MTMR3: variants seen among roughly 807,000 people sequenced by gnomAD.
MTMR3 encodes the protein phosphatidylinositol-3,5-bisphosphate 3-phosphatase MTMR3.
In MTMR3, 32 loss-of-function variants were observed where a neutral mutation model predicts 132.4. That is an observed-to-expected ratio of 0.24 (90% CI 0.18 to 0.32). MTMR3 has a LOEUF of 0.32. MTMR3 is among the 10% of genes least tolerant of loss of function. The pLI, the probability that MTMR3 is intolerant of heterozygous loss-of-function variation, is 1.00. For missense variants in MTMR3, 1,216 were observed against 1,489.6 expected (o/e 0.82, Z 3.02); for synonymous variants, 556 against 550.3 (o/e 1.01, Z -0.14).
chr22:30,016,891 A>G (rs1175555727), intron 15 of MTMR3, 193 bp downstream of exon 15: 5 of 636,306 alleles, frequency 7.9e-6, no homozygotes, highest in Non-Finnish European at 1.3e-5. Context: ...TCTGTTTCTG[A>G]TGACTACTTG....
intron 1 of MTMR3, among the ~76,000 whole-genome samples, chr22:29,885,338 A>C (rs1383732524): frequency 1.3e-5 from 2 of 152,182 alleles, no homozygotes; most frequent in East Asian, 1.9e-4. Flanking sequence ...GATCTTTAAG[A>C]ATTTAAGAGG....
Position 29,896,869 on chromosome 22 carries a change from T to TCTCACACACACACACA in MTMR3, c.-138+13511_-138+13512insTCACACACACACACAC, listed in dbSNP as rs145703649. 2.2e-3 allele frequency among the ~76,000 whole-genome samples: 304 copies of TCTCACACACACACACA among 138,220 alleles called. 1 individual carries two copies. The highest frequency in any genetic ancestry group is 8.4e-3 in the East Asian group (39 of 4,656). 90.7% of individuals were successfully genotyped at this position (138,220 alleles called of 152,430 possible). ...TATAGTACAGAATAACAGGCTTGTC[T>TCTCACACACACACACA]CACACACACACACACACACACACAC... is the stretch of plus-strand genomic sequence containing the variant. On this transcript the variant is annotated intron_variant, in intron 1 of 19. Coordinates refer to ENST00000401950, the MANE Select transcript of MTMR3 (RefSeq NM_021090.4).
At chr22:29,948,654 A>C (rs950972812) in intron 1 of MTMR3, among the ~76,000 whole-genome samples, 6 of 152,202 alleles carry the variant, frequency 3.9e-5, no homozygotes, top group East Asian at 1.9e-4. Flanking sequence ...GGAGAGGGAT[A>C]ATATAAAAAG....
chr22:29,896,171 A>G (rs543419848), intron 1 of MTMR3, among the ~76,000 whole-genome samples: 1 of 152,260 alleles, frequency 6.6e-6, no homozygotes, highest in Non-Finnish European at 1.5e-5. Context: ...TTAGTTGGGC[A>G]TGGTGGCGGG....
chr22:29,967,857 A>G (rs1043095272), intron 2 of MTMR3, among the ~76,000 whole-genome samples: 13 of 151,004 alleles, frequency 8.6e-5, no homozygotes, highest in Admixed American at 6.0e-4. Flanking sequence ...GTTTTCATCT[A>G]TGTGTGTCAT....
intron 18 of MTMR3, 45 bp downstream of exon 18, chr22:30,022,184 T>C (rs115657221): frequency 2.0e-6 from 3 of 1,491,812 alleles, no homozygotes; most frequent in Admixed American, 3.4e-5. Context: ...TTTAACTGTT[T>C]TGTGGTTCTT....
At chr22:29,943,026 A>G (rs1219799471) in intron 1 of MTMR3, among the ~76,000 whole-genome samples, 1 of 152,180 alleles carries the variant, frequency 6.6e-6, no homozygotes, top group Non-Finnish European at 1.5e-5. Context: ...TTCATAATTT[A>G]TGTTCAGAGA....
chr22:29,958,705 A>C (rs1447311162), intron 2 of MTMR3, among the ~76,000 whole-genome samples: 1 of 152,142 alleles, frequency 6.6e-6, no homozygotes, highest in Non-Finnish European at 1.5e-5. Flanking sequence ...GTATCTCTTA[A>C]CATACTCTTG....
intron 5 of MTMR3, chr22:29,984,525 G>A (rs2066819045): frequency 1.3e-5 from 2 of 152,166 alleles, no homozygotes; most frequent in African/African-American, 4.8e-5. Flanking sequence ...AATGTAACTT[G>A]GCTTTTTGAG....
rs1387996572 is a variant in MTMR3 at position 29,998,665 on chromosome 22, TATATGTAAC to T, written c.461-88_461-80del. On this transcript the variant is annotated intron_variant, in intron 7 of 19. Transcript: ENST00000401950. ...CTCAAAAAATATATATATATTTACA[TATATGTAAC>T]ATATGTATATTTCTTTGTTTTTATT... 6.4e-6 allele frequency: 4 copies of T among 626,538 alleles called. No homozygotes were observed. In the Admixed American group the frequency reaches 1.0e-4, roughly 16 times the overall value. The allele number at this position is 626,538 out of a possible 1,614,324, so 38.8% of individuals were successfully genotyped here. A position where few individuals can be genotyped will look rare whatever the true frequency, so the allele number is the denominator to read the frequency against.
chr22:29,931,484 T>C (rs1414440351), intron 1 of MTMR3, among the ~76,000 whole-genome samples: 1 of 152,194 alleles, frequency 6.6e-6, no homozygotes, highest in Non-Finnish European at 1.5e-5. Context: ...TGCAATGGCA[T>C]GATCACTGCA....
chr22:29,949,509 CAA>C (rs60108937), intron 1 of MTMR3, among the ~76,000 whole-genome samples: 11 of 124,588 alleles, frequency 8.8e-5, no homozygotes, highest in African/African-American at 2.5e-4. Context: ...CGCCCCCCCC[CAA>C]AAAAAAAAAA....
Position 30,022,657 on chromosome 22 carries a change from G to T in MTMR3, c.3385G>T (p.Asp1129Tyr). ...CCTGGCCGCCCACTGCTATGCGTGC[G>T]ACAGTGCCTTCTGGCTTGCCAGCAG... ...DHLAAHCYAC[D>Y]SAFWLASRKH... The change falls in exon 19 of 20, where the codon GAC (aspartate) becomes TAC (tyrosine). Residue 1129 changes from aspartate (D) to tyrosine (Y), a missense_variant. This residue lies in a region of MTMR3 where 852 missense variants were observed against 852.0 expected (regional missense o/e 1.00). Coordinates refer to ENST00000401950, the MANE Select transcript of MTMR3 (RefSeq NM_021090.4). The T allele has an allele frequency of 6.2e-7, 1 of 1,611,958 alleles. No homozygotes were observed.
At chr22:29,911,251 T>A (rs912532108) in intron 1 of MTMR3, among the ~76,000 whole-genome samples, 9 of 152,092 alleles carry the variant, frequency 5.9e-5, no homozygotes, top group African/African-American at 2.2e-4. Context: ...GCCATTAAAT[T>A]CTGATTTTTG....
chr22:29,906,286 G>GTCTATCTATCTATCTA (rs369642536), intron 1 of MTMR3, among the ~76,000 whole-genome samples: 3 of 74,456 alleles, frequency 4.0e-5, no homozygotes, highest in Non-Finnish European at 6.1e-5. Context: ...CTGTCTGTCT[G>GTCTATCTATCTATCTA]TCTATCTATC....
chr22:29,971,096 C>T, intron 3 of MTMR3, 34 bp downstream of exon 3: 1 of 1,541,398 alleles, frequency 6.5e-7, no homozygotes, highest in Non-Finnish European at 8.8e-7. Context: ...AAAAAAAAAA[C>T]AAAAAACCCT....
At chr22:29,971,952 A>G (rs183062471) in intron 3 of MTMR3, among the ~76,000 whole-genome samples, 4 of 152,366 alleles carry the variant, frequency 2.6e-5, no homozygotes, top group Admixed American at 6.5e-5. Context: ...ATTAATTTCA[A>G]GCTTCATTAG....
intron 17 of MTMR3, chr22:30,021,453 G>C (rs1475981389): frequency 6.7e-6 from 1 of 148,712 alleles, no homozygotes. Flanking sequence ...GGGTTCCAGA[G>C]GGGGAGGTTC....
intron 1 of MTMR3, among the ~76,000 whole-genome samples, chr22:29,926,477 T>C (rs1259120038): frequency 1.3e-5 from 2 of 152,216 alleles, no homozygotes; most frequent in East Asian, 1.9e-4. Context: ...TTTCCCACAG[T>C]GGAGCTATAC....
Sources: gnomAD v4.1 joint callset for allele counts (sites outside exome capture counted in the v4.1 genomes callset) on GRCh38, gnomAD v4.1.1 for gene constraint, gnomAD v4.1.1 regional missense constraint, MANE v1.5 for transcripts, NCBI Gene and HGNC (gene_info 2026-07-23, HGNC 2026-07-21) for gene names.